The following UNC45B variants were observed in gnomAD, a reference collection of about 807,000 sequenced individuals.
UNC45B encodes the protein unc-45 myosin chaperone B.
Under a neutral mutation model 98.7 loss-of-function variants are expected in UNC45B, and 78 were observed. The observed-to-expected ratio is 0.79, with a 90% CI of 0.66 to 0.95. UNC45B has a LOEUF of 0.95. Ranked by LOEUF, UNC45B falls within the 40% of genes least tolerant of loss-of-function variation. UNC45B has a pLI of 0.00. For synonymous variants in UNC45B, 462 were observed against 480.4 expected, an observed-to-expected ratio of 0.96 and a Z score of 0.50; for missense variants, 1,225 against 1,184.9, an observed-to-expected ratio of 1.03 and a Z score of -0.50.
rs202088181 is a variant in UNC45B at position 35,169,958 on chromosome 17, T to C, written c.1547+27T>C. ...TAAGGGGGCTGTGTTTCCCAGGCCC[T>C]CCATCTCCTCATGCGCCTTCCGGGC... On this transcript the variant is annotated intron_variant, in intron 11 of 19. Transcript: ENST00000394570. 1.5e-5 allele frequency: 24 copies of C among 1,613,498 alleles called. No individual in the cohort carries two copies. In the East Asian group the frequency reaches 5.3e-4, roughly 36 times the overall value.
intron 10 of UNC45B, among the ~76,000 whole-genome samples, 186 bp from the exon 11 acceptor site, chr17:35,169,651 C>T (rs2092168207): frequency 6.6e-6 from 1 of 152,042 alleles, no homozygotes; most frequent in African/African-American, 2.4e-5. Context: ...TAACCCAGAG[C>T]ATCAGGGAAA....
In UNC45B at chr17:35,155,357, A is replaced by C. The variant is rs962898006; in HGVS notation, c.701A>C (p.Asn234Thr). Residue 234 changes from asparagine (N) to threonine (T), a missense_variant, in exon 7 of 20, where the codon AAT (asparagine) becomes ACT (threonine). By Grantham distance (65) the Asn-to-Thr change is moderately conservative. Transcript: ENST00000394570. ...ATCTGTAGCCTCATGGCCGTGGAGA[A>C]TGAGGAGATGTCTCTGGCTGTCTGC... ...DRICSLMAVENEEMSLAVCNL... is the reference protein window; with the variant it reads ...DRICSLMAVETEEMSLAVCNL... 5 of 1,614,208 alleles carry C rather than the reference A, an allele frequency of 3.1e-6. No homozygotes were observed. In the African/African-American group the frequency reaches 4.0e-5, roughly 13 times the overall value.
intron 7 of UNC45B, 38 bp from the exon 8 acceptor site, chr17:35,159,337 C>T (rs1567757299): frequency 6.3e-6 from 10 of 1,576,506 alleles, no homozygotes; most frequent in Non-Finnish European, 7.8e-6. Flanking sequence ...GTGAGATTTC[C>T]TACCCCTCTC....
chr17:35,168,456 A>T, intron 10 of UNC45B, 95 bp downstream of exon 10: 7 of 1,134,122 alleles, frequency 6.2e-6, no homozygotes, highest in Non-Finnish European at 7.9e-6. Flanking sequence ...GCTGTCCTTG[A>T]GGAGACCAGG....
chr17:35,168,484 C>T (rs1037287664), intron 10 of UNC45B, 123 bp downstream of exon 10: 4 of 793,940 alleles, frequency 5.0e-6, no homozygotes, highest in African/African-American at 1.8e-5. Flanking sequence ...GGGCACCAGA[C>T]CCAGCCACAG....
At chr17:35,151,283 C>CA (rs764017507) in intron 4 of UNC45B, 23 of 204,846 alleles carry the variant, frequency 1.1e-4, no homozygotes, top group Admixed American at 5.7e-4. Context: ...ACTTGGGCCC[C>CA]ACACGAGCGG....
chr17:35,173,479 C>G (rs911353923), intron 13 of UNC45B, among the ~76,000 whole-genome samples: 14 of 152,076 alleles, frequency 9.2e-5, no homozygotes, highest in Admixed American at 9.2e-4. Flanking sequence ...ATGAGTCTCA[C>G]TCGGCTAAAG....
intron 5 of UNC45B, 126 bp downstream of exon 5, chr17:35,153,108 G>A: frequency 1.4e-6 from 1 of 731,318 alleles, no homozygotes; most frequent in South Asian, 1.7e-5. Context: ...TTGGCCAAAG[G>A]TTAAGCACAT....
intron 3 of UNC45B, 130 bp from the exon 4 acceptor site, chr17:35,149,918 A>T: frequency 1.0e-6 from 1 of 985,112 alleles, no homozygotes; most frequent in Non-Finnish European, 1.4e-6. Context: ...CAGAGAGTCC[A>T]CATGGATGGA....
intron 17 of UNC45B, 64 bp from the exon 18 acceptor site, chr17:35,180,495 A>G: frequency 7.3e-7 from 1 of 1,373,478 alleles, no homozygotes; most frequent in Non-Finnish European, 1.0e-6. Context: ...CTGGGTGGCC[A>G]GAAAACCCCT....
intron 9 of UNC45B, among the ~76,000 whole-genome samples, chr17:35,167,255 T>TGTCA (rs1361178645): frequency 1.3e-5 from 2 of 152,206 alleles, no homozygotes; most frequent in Non-Finnish European, 2.9e-5. Flanking sequence ...AGCTCTCAGC[T>TGTCA]GTTATCTCTC....
At chr17:35,173,876 G>T (rs113660693) in intron 13 of UNC45B, among the ~76,000 whole-genome samples, 1 of 149,262 alleles carries the variant, frequency 6.7e-6, no homozygotes, top group East Asian at 2.0e-4. Flanking sequence ...GCAGTGGTGC[G>T]ATCTCGGCTC....
chr17:35,186,306 A>G lies in UNC45B; in HGVS notation c.2537A>G (p.Gln846Arg), dbSNP rs1459391870. The G allele has an allele frequency of 7.4e-6, 12 of 1,613,828 alleles. No individual in the cohort carries two copies. The highest frequency in any genetic ancestry group is 1.0e-5 in the Non-Finnish European group (12 of 1,179,978). The change falls in exon 20 of 20, where the codon CAG (glutamine) becomes CGG (arginine). Residue 846 changes from glutamine to arginine, a missense_variant. Coordinates refer to ENST00000394570, the MANE Select transcript of UNC45B (RefSeq NM_001267052.2). ...CTTTTTCCCTGCCTCCAGACAACCC[A>G]GTGGTTGGAGATCCTCCAGCGGCTT... ...LCLKMTQVTT[Q>R]WLEILQRLCL...
intron 7 of UNC45B, among the ~76,000 whole-genome samples, chr17:35,158,887 A>G (rs2092082003): frequency 6.6e-6 from 1 of 152,222 alleles, no homozygotes; most frequent in Non-Finnish European, 1.5e-5. Context: ...AATCAGAAAA[A>G]AAGGCATTTG....
At chr17:35,156,083 A>G (rs562316757) in intron 7 of UNC45B, among the ~76,000 whole-genome samples, 1 of 152,332 alleles carries the variant, frequency 6.6e-6, no homozygotes, top group African/African-American at 2.4e-5. Context: ...ATGCTAGTGA[A>G]ATAAGCCAGC....
chr17:35,174,953 AAAAG>A (rs1478877271), intron 14 of UNC45B, among the ~76,000 whole-genome samples: 2 of 38,510 alleles, frequency 5.2e-5, no homozygotes, highest in Non-Finnish European at 9.9e-5. Flanking sequence ...GAAAGAAAGA[AAAAG>A]AAAGAGAAAG....
intron 7 of UNC45B, among the ~76,000 whole-genome samples, chr17:35,156,951 A>G (rs1018228786): frequency 6.6e-5 from 10 of 152,128 alleles, no homozygotes; most frequent in African/African-American, 2.2e-4. Context: ...TTAATTTTAC[A>G]TTTGTTTCCT....
intron 5 of UNC45B, 40 bp from the exon 6 acceptor site, chr17:35,154,534 G>A (rs182986215): frequency 3.4e-5 from 55 of 1,594,462 alleles, no homozygotes; most frequent in Admixed American, 5.4e-5. Context: ...CTGGGTGGCC[G>A]TACCTCCCTC....
intron 3 of UNC45B, 152 bp downstream of exon 3, chr17:35,149,161 C>A: frequency 1.0e-6 from 1 of 972,578 alleles, no homozygotes; most frequent in Non-Finnish European, 1.6e-6. Context: ...GGAAACATAT[C>A]CTGTGAAGAG....
Sources: allele counts gnomAD v4.1 joint callset (sites outside exome capture counted in the v4.1 genomes callset), GRCh38; gene constraint gnomAD v4.1.1; transcripts MANE v1.5; gene names NCBI Gene and HGNC (gene_info 2026-07-23, HGNC 2026-07-21).